Variants in PSMG4 observed in about 807,000 individuals in gnomAD.
PSMG4 encodes the protein proteasome (prosome, macropain) assembly chaperone 4.
In PSMG4, 10 loss-of-function variants were observed where a neutral mutation model predicts 11.0. That is an observed-to-expected ratio of 0.91 (90% confidence interval 0.56 to 1.54). PSMG4 has a LOEUF of 1.54. Ranked by LOEUF, PSMG4 falls within the 40% of genes most tolerant of loss-of-function variation. PSMG4 has a pLI of 0.00. For missense variants in PSMG4, 198 were observed against 160.9 expected (o/e 1.23, Z -1.25); for synonymous variants, 95 against 71.3 (o/e 1.33, Z -1.68).
chr6:3,258,907 C>T (rs146321546), upstream of PSMG4: 878 of 1,061,588 alleles, frequency 8.3e-4, 9 homozygotes, highest in African/African-American at 0.013. Context: ...CCCGCCCTTC[C>T]GGGGCCGAAA....
Position 3,264,149 on chromosome 6 carries a change from T to G in PSMG4, c.250+390T>G, listed in dbSNP as rs572238071. 30 of 1,544,614 alleles carry G rather than the reference T, an allele frequency of 1.9e-5. No individual in the cohort carries two copies. The East Asian group carries it at 3.4e-4, about 18-fold the overall frequency. On this transcript the variant is annotated intron_variant, in intron 2 of 2. Coordinates refer to ENST00000438998, the MANE Select transcript of PSMG4 (RefSeq NM_001128591.2). ...CCTTAGGAGGAGTCAGTGCAGCTGG[T>G]GGAGCAGGTGTCACCTCTGTGCAGG...
At chr6:3,255,055 A>G (rs1318349439), upstream of PSMG4, 3 of 1,550,860 alleles carry the variant, frequency 1.9e-6, no homozygotes, top group East Asian at 2.4e-5. Context: ...GGACAGGAAC[A>G]AACACACTTG....
upstream of PSMG4, among the ~76,000 whole-genome samples, chr6:3,255,921 T>TG (rs1381254918): frequency 1.3e-5 from 2 of 152,212 alleles, no homozygotes; most frequent in Non-Finnish European, 2.9e-5. Flanking sequence ...GCTGCATCCT[T>TG]GGTCACGTAC....
chr6:3,254,708 C>G (rs181241996), upstream of PSMG4, among the ~76,000 whole-genome samples: 1 of 152,086 alleles, frequency 6.6e-6, no homozygotes. Context: ...CTGTGGGATG[C>G]GCCTGGACAC....
intron 1 of PSMG4, among the ~76,000 whole-genome samples, chr6:3,259,980 C>T (rs1757915732): frequency 6.6e-6 from 1 of 152,190 alleles, no homozygotes; most frequent in African/African-American, 2.4e-5. Context: ...CTCACTGTCA[C>T]CCAGGCTGGG....
chr6:3,264,386 A>G lies in PSMG4; in HGVS notation c.250+627A>G, dbSNP rs541134649. ...AGTGCCTGTGGCCAGTGTGCACAGG[A>G]TGCCTGTCTCCTGCCCAGGCCTGGC... On this transcript the variant is annotated intron_variant, in intron 2 of 2. Coordinates refer to ENST00000438998, the MANE Select transcript of PSMG4 (RefSeq NM_001128591.2). 5 of 1,518,738 alleles carry G rather than the reference A, an allele frequency of 3.3e-6. No homozygotes were observed. In the East Asian group the frequency reaches 9.9e-5, roughly 30 times the overall value. 94.1% of individuals were successfully genotyped at this position (1,518,738 alleles called of 1,614,324 possible). A position where few individuals can be genotyped will look rare whatever the true frequency, so the allele number is the denominator to read the frequency against.
chr6:3,255,299 G>T (rs1757723210), upstream of PSMG4: 2 of 1,522,032 alleles, frequency 1.3e-6, no homozygotes, highest in Non-Finnish European at 1.8e-6. Flanking sequence ...GCCCATCCTG[G>T]GAGAGTGGTG....
At chr6:3,255,043 C>T (rs41300843), upstream of PSMG4, 69 of 1,550,362 alleles carry the variant, frequency 4.5e-5, no homozygotes, top group Middle Eastern at 3.3e-4. Flanking sequence ...TTCTGATTCT[C>T]TGGACAGGAA....
intron 1 of PSMG4, 54 bp downstream of exon 1, chr6:3,259,250 C>T (rs972186237): frequency 2.4e-6 from 3 of 1,231,780 alleles, no homozygotes; most frequent in East Asian, 6.4e-5. Flanking sequence ...GCGGGGGCGC[C>T]GGGCCTGCGC....
chr6:3,260,291 A>ATATATATATATATATATTTTTTTT, intron 1 of PSMG4, among the ~76,000 whole-genome samples: 4 of 70,860 alleles, frequency 5.6e-5, no homozygotes, highest in African/African-American at 2.2e-4. Context: ...ATATATATAT[A>ATATATATATATATATATTTTTTTT]TTTTTTTTTT....
intron 1 of PSMG4, among the ~76,000 whole-genome samples, chr6:3,260,291 A>ATATTTTTTT: frequency 0.041 from 2,886 of 70,620 alleles, 160 homozygotes; most frequent in Middle Eastern, 0.068. Context: ...ATATATATAT[A>ATATTTTTTT]TTTTTTTTTT....
chr6:3,258,550 T>C (rs1466234631), upstream of PSMG4, among the ~76,000 whole-genome samples: 1 of 152,180 alleles, frequency 6.6e-6, no homozygotes, highest in East Asian at 1.9e-4. Context: ...AAATCAGTCT[T>C]TTTAAATTTT....
At chr6:3,255,032 T>C (rs2127251459), upstream of PSMG4, 1 of 1,549,496 alleles carries the variant, frequency 6.5e-7, no homozygotes. Flanking sequence ...ATAATGGCGC[T>C]TTCTGATTCT....
chr6:3,263,363 CT>C (rs1487174690), intron 1 of PSMG4, among the ~76,000 whole-genome samples: 1 of 152,214 alleles, frequency 6.6e-6, no homozygotes, highest in Non-Finnish European at 1.5e-5. Context: ...GTTTGCTTCC[CT>C]TTTGGTTGTG....
upstream of PSMG4, among the ~76,000 whole-genome samples, chr6:3,256,251 A>G (rs1393454606): frequency 6.6e-6 from 1 of 152,224 alleles, no homozygotes. Flanking sequence ...GCACAGATCC[A>G]ATGTGGGTGC....
At chr6:3,254,436 T>C (rs1010779346), upstream of PSMG4, among the ~76,000 whole-genome samples, 1 of 120,780 alleles carries the variant, frequency 8.3e-6, no homozygotes, top group African/African-American at 2.7e-5. Flanking sequence ...GGCTTTGTGC[T>C]GTAATAGTTT....
chr6:3,267,549 G>A (rs963596865), intron 2 of PSMG4, 42 bp from the exon 3 acceptor site: 3 of 1,546,236 alleles, frequency 1.9e-6, no homozygotes, highest in Middle Eastern at 1.7e-4. Flanking sequence ...GGGGCCTGCA[G>A]TATTTCAGGA....
chr6:3,254,786 A>C (rs1757689572), upstream of PSMG4, among the ~76,000 whole-genome samples: 2 of 152,068 alleles, frequency 1.3e-5, no homozygotes, highest in Admixed American at 1.3e-4. Flanking sequence ...GTCTGGCTGA[A>C]TGCTTGGGGT....
upstream of PSMG4, chr6:3,255,017 C>T (rs568581378): frequency 1.2e-5 from 18 of 1,546,918 alleles, no homozygotes; most frequent in East Asian, 2.4e-5. Context: ...TGTGGGAGCG[C>T]TGGGATAATG....
Sources: gnomAD v4.1 joint callset for allele counts (sites outside exome capture counted in the v4.1 genomes callset) on GRCh38, gnomAD v4.1.1 for gene constraint, MANE v1.5 for transcripts, NCBI Gene and HGNC (gene_info 2026-07-23, HGNC 2026-07-21) for gene names.